The following PSD2 variants were observed in gnomAD, a reference collection of about 807,000 sequenced individuals.
The protein encoded by PSD2 is pleckstrin and Sec7 domain containing 2.
Under a neutral mutation model 69.8 loss-of-function variants are expected in PSD2, and 38 were observed. The ratio of observed to expected loss-of-function variants is 0.54; its 90% CI spans 0.42 to 0.71. The LOEUF is 0.71. PSD2 is among the 30% of genes least tolerant of loss of function. PSD2 has a pLI of 0.00. For synonymous variants in PSD2, 412 were observed against 423.0 expected (o/e 0.97, Z 0.32); for missense variants, 943 against 1,014.5 (o/e 0.93, Z 0.96).
At chr5:139,785,040 T>G in the PSD2 span, among the ~76,000 whole-genome samples, 1 of 152,118 alleles carries the variant, frequency 6.6e-6, no homozygotes. Flanking sequence ...ATTACAGGCG[T>G]GAGCCACCTC....
Position 139,837,920 on chromosome 5 carries a change from C to T in PSD2, c.1823+138C>T. On this transcript the variant is annotated intron_variant, in intron 12 of 14. Coordinates refer to ENST00000274710, the MANE Select transcript of PSD2 (RefSeq NM_032289.4). This position sits in a 1 kb window ranked among gnomAD's most constrained non-coding sequence, Gnocchi z 5.0. The stretch of plus-strand genomic sequence containing the variant: ...ACACAGACCGACAGCTGGGTCCCTC[C>T]AAAGCAGTGGTTCCCAATGTGTGGT... 3 of 821,782 alleles carry T rather than the reference C, an allele frequency of 3.7e-6. No homozygotes were observed. The highest frequency in any genetic ancestry group is 5.6e-6 in the Non-Finnish European group (3 of 534,992). 50.9% of individuals were successfully genotyped at this position (821,782 alleles called of 1,614,324 possible). A position where few individuals can be genotyped will look rare whatever the true frequency, so the allele number is the denominator to read the frequency against.
intron 7 of PSD2, among the ~76,000 whole-genome samples, chr5:139,828,996 G>C (rs1377394848): frequency 1.3e-5 from 2 of 149,168 alleles, no homozygotes; most frequent in Non-Finnish European, 3.0e-5. Flanking sequence ...GAAAGACTGG[G>C]AGGCCCTGTA....
At chr5:139,756,627 G>T in the PSD2 span, among the ~76,000 whole-genome samples, 1 of 152,206 alleles carries the variant, frequency 6.6e-6, no homozygotes, top group Admixed American at 6.5e-5. Context: ...GGACTCAGCA[G>T]AGCGCCCTAG....
In PSD2 at chr5:139,842,593, T is replaced by C; in HGVS notation, c.*119T>C. ...GTCAGTTGATGGGCAGCTAGAGGGG[T>C]GCAGAAAGCCTGTGGGCCCAGGAGA... On this transcript the variant is annotated 3_prime_UTR_variant, in exon 15 of 15. Transcript: ENST00000274710. 2 of 880,466 alleles carry C rather than the reference T, an allele frequency of 2.3e-6. No individual in the cohort carries two copies. The highest frequency in any genetic ancestry group is 3.3e-5 in the African/African-American group (2 of 60,540). The allele number at this position is 880,466 out of a possible 1,614,324, so 54.5% of individuals were successfully genotyped here.
the PSD2 span, among the ~76,000 whole-genome samples, chr5:139,748,230 G>C: frequency 4.0e-5 from 6 of 150,780 alleles, no homozygotes; most frequent in African/African-American, 1.5e-4. Context: ...TCGAGAGGCT[G>C]AGCTAGAACC....
chr5:139,814,494 A>G lies in PSD2; in HGVS notation c.1016+130A>G, dbSNP rs878978604. On this transcript the variant is annotated intron_variant, in intron 4 of 14. Coordinates refer to ENST00000274710, the MANE Select transcript of PSD2 (RefSeq NM_032289.4). The surrounding 1 kb of genome is among the most constrained non-coding windows in gnomAD (Gnocchi z 4.4). ...GCACTCCCAACAGTTCCCCAAGGAC[A>G]CCTCCTCCCGCCACTGTCCTCATTC... 1 of 758,824 alleles carries G rather than the reference A, an allele frequency of 1.3e-6. No individual in the cohort carries two copies. Among genetic ancestry groups the G allele is most frequent in the Middle Eastern group, 3.9e-4 (1 of 2,582 alleles). The allele number at this position is 758,824 out of a possible 1,614,324, so 47.0% of individuals were successfully genotyped here.
chr5:139,804,689 A>G (rs954678291), intron 1 of PSD2, among the ~76,000 whole-genome samples: 1 of 152,038 alleles, frequency 6.6e-6, no homozygotes, highest in Non-Finnish European at 1.5e-5. Flanking sequence ...TTCCAGAACA[A>G]TTTTCTCTGA....
chr5:139,830,584 T>TTC (rs1222447423), intron 7 of PSD2, among the ~76,000 whole-genome samples: 58 of 137,260 alleles, frequency 4.2e-4, no homozygotes, highest in African/African-American at 1.1e-3. Flanking sequence ...CTTTCTTTCT[T>TTC]TCTTTCTTTT....
In PSD2 at chr5:139,833,909, A is replaced by G. The variant is rs1760653026; in HGVS notation, c.1359+118A>G. On this transcript the variant is annotated intron_variant, in intron 8 of 14. Coordinates refer to ENST00000274710, the MANE Select transcript of PSD2 (RefSeq NM_032289.4). ...GGCCGTTAACACAGGGTGCAGGGCC[A>G]TGATGACAAAGTTAGAAACCACTGA... The G allele has an allele frequency of 1.9e-5, 15 of 772,472 alleles. No homozygotes were observed. The Admixed American group carries it at 2.6e-4, about 13-fold the overall frequency. The allele number at this position is 772,472 out of a possible 1,614,324, so 47.9% of individuals were successfully genotyped here. A position where few individuals can be genotyped will look rare whatever the true frequency, so the allele number is the denominator to read the frequency against.
the PSD2 span, among the ~76,000 whole-genome samples, chr5:139,778,974 T>C: frequency 7.1e-6 from 1 of 141,048 alleles, no homozygotes; most frequent in Admixed American, 7.0e-5. Context: ...AAAGAAAAAA[T>C]TTGGTTAAAG....
intron 7 of PSD2, among the ~76,000 whole-genome samples, chr5:139,828,963 T>A (rs1581732456): frequency 8.5e-6 from 1 of 117,652 alleles, no homozygotes; most frequent in Non-Finnish European, 1.6e-5. Context: ...ACAGAGGCTG[T>A]GGGAAGAAGT....
chr5:139,784,764 T>G, the PSD2 span, among the ~76,000 whole-genome samples: 1 of 147,822 alleles, frequency 6.8e-6, no homozygotes, highest in Non-Finnish European at 1.5e-5. Context: ...ATTCCCCCCC[T>G]TTTTTTTTTG....
the PSD2 span, among the ~76,000 whole-genome samples, chr5:139,788,964 C>A: frequency 6.6e-6 from 1 of 152,160 alleles, no homozygotes; most frequent in Non-Finnish European, 1.5e-5. Context: ...GAGTGTGAGT[C>A]CTCCCCACGC....
intron 7 of PSD2, among the ~76,000 whole-genome samples, chr5:139,825,677 C>G (rs1206661133): frequency 8.4e-6 from 1 of 119,400 alleles, no homozygotes; most frequent in African/African-American, 3.4e-5. Context: ...GAAGAAACTT[C>G]TGTGTGGGGG....
chr5:139,754,377 G>C, the PSD2 span, among the ~76,000 whole-genome samples: 1 of 151,820 alleles, frequency 6.6e-6, no homozygotes, highest in Non-Finnish European at 1.5e-5. Context: ...GACCAGCCTG[G>C]GCAACATGGT....
intron 7 of PSD2, among the ~76,000 whole-genome samples, chr5:139,825,294 G>A (rs1046866761): frequency 7.2e-5 from 11 of 152,368 alleles, no homozygotes; most frequent in African/African-American, 2.6e-4. Flanking sequence ...ACGCATTTCA[G>A]GCAATGGGGC....
chr5:139,838,822 C>A (rs1561609724), intron 13 of PSD2, 50 bp downstream of exon 13: 8 of 1,578,716 alleles, frequency 5.1e-6, no homozygotes, highest in Non-Finnish European at 6.1e-6. Context: ...CCATCCTCAG[C>A]CCAGGCCCCC....
At chr5:139,808,402 G>A (rs1186153514) in intron 1 of PSD2, among the ~76,000 whole-genome samples, 1 of 152,224 alleles carries the variant, frequency 6.6e-6, no homozygotes, top group Non-Finnish European at 1.5e-5. Flanking sequence ...AACAGTGGCG[G>A]TGAAGATGAT....
At chr5:139,809,926 G>A in intron 2 of PSD2, 115 bp downstream of exon 2, 2 of 1,150,468 alleles carry the variant, frequency 1.7e-6, no homozygotes, top group South Asian at 2.9e-5. Context: ...ATAAAATGGG[G>A]ATTTCATATC....
Sources: allele counts gnomAD v4.1 joint callset (sites outside exome capture counted in the v4.1 genomes callset), GRCh38; gene constraint gnomAD v4.1.1; non-coding constraint Gnocchi (gnomAD v3.1); transcripts MANE v1.5; gene names NCBI Gene and HGNC (gene_info 2026-07-23, HGNC 2026-07-21).